The following THSD7B variants were observed in gnomAD, a reference collection of about 807,000 sequenced individuals.
THSD7B encodes thrombospondin type-1 domain-containing protein 7B.
A neutral mutation model predicts 213.6 loss-of-function variants in THSD7B; 138 were observed. The ratio of observed to expected loss-of-function variants is 0.65; its 90% CI spans 0.56 to 0.74. The LOEUF is 0.74. THSD7B is among the 30% of genes least tolerant of loss of function. THSD7B has a pLI of 0.00. For missense variants in THSD7B, 1,931 were observed against 1,991.5 expected (o/e 0.97, Z 0.58); for synonymous variants, 742 against 687.0 (o/e 1.08, Z -1.25).
intron 17 of THSD7B, among the ~76,000 whole-genome samples, chr2:137,577,969 C>T (rs1419777839): frequency 2.6e-5 from 4 of 152,160 alleles, no homozygotes; most frequent in African/African-American, 9.7e-5. Context: ...GATGGAATAT[C>T]ATTGGATTTC....
chr2:137,189,143 C>G (rs2105012846), intron 7 of THSD7B, among the ~76,000 whole-genome samples: 1 of 152,268 alleles, frequency 6.6e-6, no homozygotes, highest in Middle Eastern at 3.4e-3. Flanking sequence ...TTCCTCCACA[C>G]CACACTCAGT....
At chr2:137,399,326 G>A (rs1686295813) in intron 12 of THSD7B, among the ~76,000 whole-genome samples, 1 of 151,886 alleles carries the variant, frequency 6.6e-6, no homozygotes. Flanking sequence ...TTGAATAGCT[G>A]GGATTACAGG....
chr2:137,290,282 G>C (rs1371021012), intron 12 of THSD7B, among the ~76,000 whole-genome samples: 1 of 151,864 alleles, frequency 6.6e-6, no homozygotes, highest in Non-Finnish European at 1.5e-5. Context: ...GTAGAGAAAG[G>C]GTTTCACCGT....
At chr2:137,247,994 T>C (rs895184079) in intron 10 of THSD7B, among the ~76,000 whole-genome samples, 4 of 152,152 alleles carry the variant, frequency 2.6e-5, no homozygotes, top group African/African-American at 9.7e-5. Context: ...CTATTGTTTA[T>C]TTTTATTTAA....
At chr2:136,997,630 G>T (rs1035867855) in intron 2 of THSD7B, among the ~76,000 whole-genome samples, 1 of 152,188 alleles carries the variant, frequency 6.6e-6, no homozygotes, top group East Asian at 1.9e-4. Context: ...GAAGCATAGA[G>T]GTGGAGGAAA....
chr2:136,790,654 C>T (rs1681950841), intron 1 of THSD7B, among the ~76,000 whole-genome samples: 1 of 152,078 alleles, frequency 6.6e-6, no homozygotes, highest in Non-Finnish European at 1.5e-5. Flanking sequence ...ATACTTATCT[C>T]TGCCATGATA....
chr2:136,951,656 T>A (rs1436390437), intron 2 of THSD7B, among the ~76,000 whole-genome samples: 2 of 152,216 alleles, frequency 1.3e-5, no homozygotes, highest in Non-Finnish European at 2.9e-5. Context: ...AGGTAAAGAA[T>A]AGTATTCTGT....
chr2:136,909,831 T>C (rs541949821), intron 2 of THSD7B, among the ~76,000 whole-genome samples: 1 of 152,342 alleles, frequency 6.6e-6, no homozygotes, highest in African/African-American at 2.4e-5. Context: ...TTGTTATTGA[T>C]TGTTTTGTTC....
intron 2 of THSD7B, among the ~76,000 whole-genome samples, chr2:136,906,862 T>A (rs1486558473): frequency 6.6e-6 from 1 of 150,878 alleles, no homozygotes; most frequent in Non-Finnish European, 1.5e-5. Flanking sequence ...ATTCTTAAAC[T>A]TTGTAGAAAG....
intron 2 of THSD7B, among the ~76,000 whole-genome samples, chr2:136,984,642 C>T (rs1030297511): frequency 1.3e-5 from 2 of 152,046 alleles, no homozygotes; most frequent in Non-Finnish European, 2.9e-5. Flanking sequence ...TATAGTGACA[C>T]AAAGAATGGC....
At chr2:137,486,814 A>C (rs1039605808) in intron 15 of THSD7B, among the ~76,000 whole-genome samples, 79 of 152,350 alleles carry the variant, frequency 5.2e-4, no homozygotes, top group African/African-American at 1.8e-3. Flanking sequence ...CAGTGCAATC[A>C]AACTAGAACT....
chr2:137,657,170 C>G lies in THSD7B; in HGVS notation c.4375+10C>G, dbSNP rs1245048984. The G allele has an allele frequency of 3.7e-6, 6 of 1,613,192 alleles. No individual in the cohort carries two copies. The African/African-American group carries it at 8.0e-5, about 22-fold the overall frequency. ...GGCGTTAATGTCACAGGTATTCCTG[C>G]CTAAGACTCATGTGGGCACTTCACA... On this transcript the variant is annotated intron_variant, in intron 24 of 27. Coordinates refer to ENST00000409968, the MANE Select transcript of THSD7B (RefSeq NM_001316349.2).
intron 8 of THSD7B, among the ~76,000 whole-genome samples, chr2:137,232,455 C>T (rs1388765640): frequency 6.6e-6 from 1 of 152,028 alleles, no homozygotes; most frequent in African/African-American, 2.4e-5. Context: ...AAAAATAATG[C>T]CTCTCTTAGG....
intron 7 of THSD7B, among the ~76,000 whole-genome samples, chr2:137,222,433 T>C (rs548952756): frequency 1.3e-5 from 2 of 152,344 alleles, no homozygotes; most frequent in East Asian, 3.9e-4. Flanking sequence ...AGGTCACATA[T>C]TCATTTTATT....
In THSD7B at chr2:137,329,118, G is replaced by C. The variant is rs1024335435; in HGVS notation, c.2500+53092G>C. ...AAAGTTTGGAGGGCTCAGAAGAAGA[G>C]AGGAAGATGTGGGAAAGTTTAAAAT... is the stretch of plus-strand genomic sequence containing the variant. On this transcript the variant is annotated intron_variant, in intron 12 of 27. Transcript: ENST00000409968. Among the ~76,000 whole-genome samples the C allele has an allele frequency of 6.6e-5, 10 of 152,204 alleles. No homozygotes were observed. The South Asian group carries it at 2.1e-3, about 32-fold the overall frequency.
At chr2:137,438,397 G>C (rs536660611) in intron 14 of THSD7B, among the ~76,000 whole-genome samples, 10 of 152,200 alleles carry the variant, frequency 6.6e-5, no homozygotes, top group African/African-American at 9.6e-5. Flanking sequence ...AATGGGTACT[G>C]TTATTAACCC....
At chr2:137,363,674 CA>C (rs1248297449) in intron 12 of THSD7B, among the ~76,000 whole-genome samples, 2 of 152,180 alleles carry the variant, frequency 1.3e-5, no homozygotes, top group African/African-American at 4.8e-5. Flanking sequence ...TACACCCTCC[CA>C]AGGCTAAACC....
chr2:137,672,006 T>C (rs1408841576), intron 27 of THSD7B, among the ~76,000 whole-genome samples: 1 of 152,154 alleles, frequency 6.6e-6, no homozygotes, highest in Non-Finnish European at 1.5e-5. Context: ...ATAAACATCT[T>C]CCTCCTCTAT....
chr2:136,791,551 C>T (rs796484246), intron 1 of THSD7B, among the ~76,000 whole-genome samples: 25 of 151,808 alleles, frequency 1.6e-4, no homozygotes, highest in African/African-American at 2.9e-4. Flanking sequence ...CTCCCTCCCC[C>T]GCCCCCCATC....
Sources: gnomAD v4.1 joint callset for allele counts (sites outside exome capture counted in the v4.1 genomes callset) on GRCh38, gnomAD v4.1.1 for gene constraint, MANE v1.5 for transcripts, NCBI Gene and HGNC (gene_info 2026-07-23, HGNC 2026-07-21) for gene names.